FAM162B: variants seen among roughly 807,000 people sequenced by gnomAD.
FAM162B encodes the protein protein FAM162B.
FAM162B carries 16 observed loss-of-function variants against 20.0 expected under a neutral mutation model. That is an observed-to-expected ratio of 0.80 (90% CI 0.54 to 1.21). FAM162B has a LOEUF of 1.21. Ranked by LOEUF, FAM162B falls within the 50% of genes most tolerant of loss-of-function variation. FAM162B has a pLI of 0.00. For synonymous variants in FAM162B, 83 were observed against 89.7 expected (o/e 0.93, Z 0.42); for missense variants, 260 against 227.5 (o/e 1.14, Z -0.92).
chr6:116,757,355 G>A (rs1012770595), intron 3 of FAM162B, among the ~76,000 whole-genome samples: 2 of 152,102 alleles, frequency 1.3e-5, no homozygotes, highest in African/African-American at 4.8e-5. Context: ...CAGTTGTATT[G>A]TTACTATATG....
rs1771887678 is a variant in FAM162B at position 116,765,257 on chromosome 6, T to G, written c.173-2A>C. 1 of 1,613,118 alleles carries G rather than the reference T, an allele frequency of 6.2e-7. No homozygotes were observed. The highest frequency in any genetic ancestry group is 1.3e-5 in the African/African-American group (1 of 74,904). ...GCGTGGGGACTCGGTGAATCTCCCCTGCAGCGAAAGCAACCCAGATGGACG... is the reference window on the plus strand; with the variant it reads ...GCGTGGGGACTCGGTGAATCTCCCCGGCAGCGAAAGCAACCCAGATGGACG... On this transcript the variant is annotated splice_acceptor_variant, in intron 1 of 3. Coordinates refer to ENST00000368557, the MANE Select transcript of FAM162B (RefSeq NM_001085480.3). LOFTEE classifies it high-confidence loss of function.
chr6:116,765,461 C>T lies in FAM162B; in HGVS notation c.116G>A (p.Gly39Asp), dbSNP rs2114555598. ...RRPAPALPPR[G>D]LPCYSSGGAP... is the part of the protein sequence containing the mutation. ...CCCGCCGCTGGAGTAGCAGGGGAGA[C>T]CCCGGGGCGGAAGAGCCGGTGCGGG... Residue 39 changes from glycine to aspartate, a missense_variant, in exon 1 of 4, where the codon GGT becomes GAT. Gly to Asp is a moderately conservative substitution (Grantham distance 94). Transcript: ENST00000368557. The T allele has an allele frequency of 1.4e-6, 2 of 1,428,734 alleles. No individual in the cohort carries two copies. The highest frequency in any genetic ancestry group is 3.0e-5 in the South Asian group (2 of 66,194). 88.5% of individuals were successfully genotyped at this position (1,428,734 alleles called of 1,614,324 possible).
chr6:116,765,080 G>C, intron 2 of FAM162B, 67 bp downstream of exon 2: 1 of 1,516,230 alleles, frequency 6.6e-7, no homozygotes, highest in Non-Finnish European at 9.1e-7. Context: ...GCGGTCGGAA[G>C]GTGGGTCACC....
chr6:116,755,706 C>G (rs1037022903), intron 3 of FAM162B, among the ~76,000 whole-genome samples: 3 of 152,128 alleles, frequency 2.0e-5, no homozygotes, highest in Non-Finnish European at 4.4e-5. Context: ...CAGGCTGACT[C>G]TCTTGTTAGG....
chr6:116,760,884 G>A (rs1050617494), intron 3 of FAM162B, among the ~76,000 whole-genome samples: 2 of 152,180 alleles, frequency 1.3e-5, no homozygotes, highest in African/African-American at 4.8e-5. Flanking sequence ...GTAAAGGACA[G>A]AATCACAGAA....
chr6:116,760,385 AATG>A (rs1230715083), intron 3 of FAM162B, among the ~76,000 whole-genome samples: 2 of 152,356 alleles, frequency 1.3e-5, no homozygotes, highest in Non-Finnish European at 2.9e-5. Context: ...TTGAAAATAA[AATG>A]ATGACATCAG....
chr6:116,762,294 T>C lies in FAM162B; in HGVS notation c.282-209A>G, dbSNP rs189789578. On this transcript the variant is annotated intron_variant, in intron 2 of 3. Coordinates refer to ENST00000368557, the MANE Select transcript of FAM162B (RefSeq NM_001085480.3). ...AGTATTTATTCAGATCTTAAATTAA[T>C]GTTAGCCATTATGAAACCACTGTAT... Among the ~76,000 whole-genome samples the C allele has an allele frequency of 1.3e-3, 201 of 152,332 alleles. 3 individuals carry two copies. The highest frequency in any genetic ancestry group is 5.0e-4 in the Non-Finnish European group (34 of 68,020).
rs557915551 is a variant in FAM162B at position 116,756,914 on chromosome 6, G to A, written c.391-4219C>T. 3.9e-4 allele frequency among the ~76,000 whole-genome samples: 59 copies of A among 152,248 alleles called. 1 individual carries two copies. The highest frequency in any genetic ancestry group is 3.4e-3 in the Middle Eastern group (1 of 294). On this transcript the variant is annotated intron_variant, in intron 3 of 3. Coordinates refer to ENST00000368557, the MANE Select transcript of FAM162B (RefSeq NM_001085480.3). ...CATACAATATCTCTGAGGTATGCCTGTTTTCATTCATTTCAATACCATTAG... is the reference window on the plus strand; with the variant it reads ...CATACAATATCTCTGAGGTATGCCTATTTTCATTCATTTCAATACCATTAG...
intron 1 of FAM162B, 32 bp downstream of exon 1, chr6:116,765,372 TC>T: frequency 6.7e-7 from 1 of 1,488,862 alleles, no homozygotes; most frequent in Non-Finnish European, 9.0e-7. Context: ...ACCTCCTCCC[TC>T]CCAGGACCTC....
At chr6:116,753,215 G>A (rs945147284) in intron 3 of FAM162B, among the ~76,000 whole-genome samples, 6 of 151,982 alleles carry the variant, frequency 3.9e-5, no homozygotes, top group Admixed American at 3.3e-4. Context: ...CTTCCACAAT[G>A]AATTCACCAC....
At chr6:116,760,460 C>T (rs1260933225) in intron 3 of FAM162B, among the ~76,000 whole-genome samples, 2 of 152,080 alleles carry the variant, frequency 1.3e-5, no homozygotes, top group Admixed American at 1.3e-4. Flanking sequence ...GTCTTAATGT[C>T]TCATTTGGAA....
chr6:116,764,850 C>T (rs906893000), intron 2 of FAM162B, among the ~76,000 whole-genome samples: 11 of 152,188 alleles, frequency 7.2e-5, no homozygotes, highest in Non-Finnish European at 1.5e-4. Flanking sequence ...AGCCCCACTG[C>T]CTCCCAGTTC....
chr6:116,765,010 T>C, intron 2 of FAM162B, 137 bp downstream of exon 2: 2 of 733,704 alleles, frequency 2.7e-6, no homozygotes, highest in Non-Finnish European at 4.8e-6. Context: ...GTAAACTCCG[T>C]GTGTGGTGGG....
Position 116,752,592 on chromosome 6 carries a change from G to A in FAM162B, c.*5C>T. On this transcript the variant is annotated 3_prime_UTR_variant, in exon 4 of 4. Coordinates refer to ENST00000368557, the MANE Select transcript of FAM162B (RefSeq NM_001085480.3). ...ATTCAGGTGAACACTTTGTCACTTA[G>A]AATATCATTTAGCTTTAGCCTGTGC... The A allele has an allele frequency of 6.4e-7, 1 of 1,561,494 alleles. No homozygotes were observed. Among genetic ancestry groups the A allele is most frequent in the Non-Finnish European group, 8.7e-7 (1 of 1,146,216 alleles).
chr6:116,761,498 C>T (rs1246815762), intron 3 of FAM162B, among the ~76,000 whole-genome samples: 6 of 151,884 alleles, frequency 4.0e-5, no homozygotes, highest in East Asian at 1.9e-4. Context: ...ATTTTAACCA[C>T]GGTGTAAATT....
In FAM162B at chr6:116,765,581, C is replaced by T; in HGVS notation, c.-5G>A. The T allele has an allele frequency of 7.5e-7, 1 of 1,326,004 alleles. No individual in the cohort carries two copies. 82.1% of individuals were successfully genotyped at this position (1,326,004 alleles called of 1,614,324 possible). A position where few individuals can be genotyped will look rare whatever the true frequency, so the allele number is the denominator to read the frequency against. On this transcript the variant is annotated 5_prime_UTR_variant, in exon 1 of 4. Coordinates refer to ENST00000368557, the MANE Select transcript of FAM162B (RefSeq NM_001085480.3). The stretch of plus-strand genomic sequence containing the variant: ...GCTCCCGACCGCCCTGAGCATGCTG[C>T]CCGCTTGTCCCGCGCCGCACCCGCA...
rs5879386 is a variant in FAM162B, at chr6:116,763,776, ATT to A, written c.281+1369_281+1370del. Among the ~76,000 whole-genome samples the A allele has an allele frequency of 1.9e-3, 272 of 142,736 alleles. 2 individuals are homozygous for A. The highest frequency in any genetic ancestry group is 6.6e-3 in the African/African-American group (255 of 38,858). 93.6% of individuals were successfully genotyped at this position (142,736 alleles called of 152,430 possible). A position where few individuals can be genotyped will look rare whatever the true frequency, so the allele number is the denominator to read the frequency against. On this transcript the variant is annotated intron_variant, in intron 2 of 3. Coordinates refer to ENST00000368557, the MANE Select transcript of FAM162B (RefSeq NM_001085480.3). ...TGAGGGTGGTGGCTTACTTATTTTA[ATT>A]TTTTTTTTTTTTTTTACTTCTTTGG...
At chr6:116,765,056 G>T in intron 2 of FAM162B, 91 bp downstream of exon 2, 1 of 1,251,518 alleles carries the variant, frequency 8.0e-7, no homozygotes, top group Non-Finnish European at 1.2e-6. Flanking sequence ...GGCCGCTTTC[G>T]CTCCTAGGTG....
intron 3 of FAM162B, among the ~76,000 whole-genome samples, chr6:116,759,624 G>T (rs1780112683): frequency 6.6e-6 from 1 of 151,948 alleles, no homozygotes; most frequent in Non-Finnish European, 1.5e-5. Flanking sequence ...TATTTTCACT[G>T]GGTTTTGAAT....
Sources: gnomAD v4.1 joint callset for allele counts (sites outside exome capture counted in the v4.1 genomes callset) on GRCh38, gnomAD v4.1.1 for gene constraint, MANE v1.5 for transcripts, NCBI Gene and HGNC (gene_info 2026-07-23, HGNC 2026-07-21) for gene names.